The following C12orf54 variants were observed in gnomAD, a reference collection of about 807,000 sequenced individuals.
C12orf54 encodes uncharacterized protein C12orf54.
Under a neutral mutation model 26.4 loss-of-function variants are expected in C12orf54, and 24 were observed. That is an observed-to-expected ratio of 0.91 (90% CI 0.66 to 1.28). The LOEUF (loss-of-function observed/expected upper bound fraction) is 1.28. Ranked by LOEUF, C12orf54 falls within the 50% of genes most tolerant of loss-of-function variation. The pLI is 0.00. For synonymous variants in C12orf54, 54 were observed against 47.0 expected (o/e 1.15, Z -0.61); for missense variants, 154 against 150.9 (o/e 1.02, Z -0.11).
Position 48,483,246 on chromosome 12 carries a change from G to C in C12orf54, c.-51G>C. On this transcript the variant is annotated 5_prime_UTR_variant, in exon 2 of 9. Transcript: ENST00000548364. Reference sequence around the variant, plus strand: ...TTCATTTATGCCTCTCCAGGGCCTGGAGCTATCTCCATCTTCAGCTCCAGA... The same window carrying C: ...TTCATTTATGCCTCTCCAGGGCCTGCAGCTATCTCCATCTTCAGCTCCAGA... 2 of 1,549,856 alleles carry C rather than the reference G, an allele frequency of 1.3e-6. No individual in the cohort carries two copies. The highest frequency in any genetic ancestry group is 1.4e-5 in the African/African-American group (1 of 73,586).
chr12:48,489,126 A>C (rs777966187), intron 5 of C12orf54, 170 bp downstream of exon 5: 1 of 782,712 alleles, frequency 1.3e-6, no homozygotes, highest in African/African-American at 1.7e-5. Context: ...CCAGGCGGCT[A>C]AGGCAAGAAG....
the C12orf54 span, among the ~76,000 whole-genome samples, chr12:48,457,172 TG>T: frequency 6.6e-6 from 1 of 152,090 alleles, no homozygotes; most frequent in East Asian, 1.9e-4. Flanking sequence ...CAGACCAAGC[TG>T]GGGGTGGTAT....
the C12orf54 span, among the ~76,000 whole-genome samples, chr12:48,419,049 G>A: frequency 6.6e-6 from 1 of 152,164 alleles, no homozygotes; most frequent in African/African-American, 2.4e-5. Flanking sequence ...ATCCATAGAA[G>A]TGGGATGTTG....
chr12:48,465,225 A>G, the C12orf54 span, among the ~76,000 whole-genome samples: 15 of 152,050 alleles, frequency 9.9e-5, no homozygotes, highest in Admixed American at 9.8e-4. Context: ...ACAAGAAAAC[A>G]AACAATCCCA....
At chr12:48,455,520 G>A in the C12orf54 span, among the ~76,000 whole-genome samples, 22 of 152,324 alleles carry the variant, frequency 1.4e-4, no homozygotes, top group South Asian at 1.2e-3. Context: ...TCAGAGAAAC[G>A]TCAGCAGAAC....
chr12:48,468,403 G>T, the C12orf54 span, among the ~76,000 whole-genome samples: 1 of 152,186 alleles, frequency 6.6e-6, no homozygotes, highest in Non-Finnish European at 1.5e-5. Context: ...GACATGGAAG[G>T]ACTGTGTGCT....
the C12orf54 span, among the ~76,000 whole-genome samples, chr12:48,456,736 T>C: frequency 6.6e-6 from 1 of 152,142 alleles, no homozygotes. Context: ...ATTATTAATA[T>C]ATTTCCCTCT....
the C12orf54 span, among the ~76,000 whole-genome samples, chr12:48,446,039 A>T: frequency 3.9e-5 from 6 of 152,338 alleles, no homozygotes; most frequent in African/African-American, 1.4e-4. Context: ...GGAACAAAGT[A>T]GCAGGGAAAA....
chr12:48,479,816 G>T (rs1027725955), upstream of C12orf54, among the ~76,000 whole-genome samples: 1 of 151,832 alleles, frequency 6.6e-6, no homozygotes, highest in Admixed American at 6.6e-5. Context: ...CCCCTCAGAC[G>T]AGCCAAACTT....
At chr12:48,416,968 C>T in the C12orf54 span, among the ~76,000 whole-genome samples, 1 of 152,108 alleles carries the variant, frequency 6.6e-6, no homozygotes, top group South Asian at 2.1e-4. Context: ...ATGATCTCCC[C>T]TCAGTCTCAT....
the C12orf54 span, among the ~76,000 whole-genome samples, chr12:48,414,029 T>G: frequency 6.6e-6 from 1 of 152,232 alleles, no homozygotes. Flanking sequence ...CTTAGCCTTT[T>G]GTCCAAAATC....
chr12:48,444,295 G>A, the C12orf54 span, among the ~76,000 whole-genome samples: 2 of 152,158 alleles, frequency 1.3e-5, no homozygotes, highest in African/African-American at 4.8e-5. Flanking sequence ...CACATCATTG[G>A]CAGAAGATGC....
the C12orf54 span, among the ~76,000 whole-genome samples, chr12:48,459,802 G>A: frequency 6.6e-6 from 1 of 152,090 alleles, no homozygotes; most frequent in Admixed American, 6.6e-5. Context: ...CAGCAGAATC[G>A]CACAGGAATA....
chr12:48,491,220 T>G (rs949638513), intron 6 of C12orf54, among the ~76,000 whole-genome samples: 1 of 152,166 alleles, frequency 6.6e-6, no homozygotes, highest in African/African-American at 2.4e-5. Flanking sequence ...TAGATCAAGG[T>G]GCCAACAGAT....
At chr12:48,429,626 A>G in the C12orf54 span, among the ~76,000 whole-genome samples, 14 of 152,174 alleles carry the variant, frequency 9.2e-5, no homozygotes, top group African/African-American at 1.7e-4. Flanking sequence ...AAAGGCCTCT[A>G]CAAGGAAAAC....
At chr12:48,466,583 T>G in the C12orf54 span, among the ~76,000 whole-genome samples, 1 of 150,202 alleles carries the variant, frequency 6.7e-6, no homozygotes, top group Non-Finnish European at 1.5e-5. Context: ...AATGAAAAGA[T>G]GCTTAACACG....
chr12:48,433,688 C>T, the C12orf54 span, among the ~76,000 whole-genome samples: 5 of 152,292 alleles, frequency 3.3e-5, no homozygotes, highest in African/African-American at 1.2e-4. Flanking sequence ...ACCTTGTGAT[C>T]TGCCCACCTT....
chr12:48,433,780 G>A, the C12orf54 span, among the ~76,000 whole-genome samples: 4 of 152,104 alleles, frequency 2.6e-5, no homozygotes, highest in East Asian at 1.9e-4. Flanking sequence ...CTTTGCCAGC[G>A]GTGGAGCCAA....
the C12orf54 span, among the ~76,000 whole-genome samples, chr12:48,414,356 C>G: frequency 2.0e-5 from 3 of 152,344 alleles, no homozygotes; most frequent in Admixed American, 1.3e-4. Flanking sequence ...AAAGAACTCA[C>G]GCAGTTCTCC....
Sources: allele counts gnomAD v4.1 joint callset (sites outside exome capture counted in the v4.1 genomes callset), GRCh38; gene constraint gnomAD v4.1.1; transcripts MANE v1.5; gene names NCBI Gene and HGNC (gene_info 2026-07-23, HGNC 2026-07-21).